Variants in VAPA observed in about 807,000 individuals in gnomAD.
VAPA encodes vesicle-associated membrane protein-associated protein A.
Under a neutral mutation model 25.6 loss-of-function variants are expected in VAPA, and 6 were observed. That is an observed-to-expected ratio of 0.23 (90% confidence interval 0.13 to 0.46). The LOEUF is 0.46. Among genes scored for constraint, VAPA ranks in the 20% least tolerant of loss-of-function variants. The probability of loss-of-function intolerance (pLI) is 0.99; values close to 1 mark genes in which losing one functional copy is unlikely to be tolerated. For synonymous variants in VAPA, 112 were observed against 106.2 expected (o/e 1.05, Z -0.34); for missense variants, 244 against 302.1 (o/e 0.81, Z 1.43).
Position 9,957,842 on chromosome 18 carries a change from ATTT to A in VAPA, c.*3635_*3637del, listed in dbSNP as rs1272472405. 6.6e-6 allele frequency: 1 copy of A among 152,198 alleles called. No homozygotes were observed. The highest frequency in any genetic ancestry group is 6.5e-5 in the Admixed American group (1 of 15,278). The allele number at this position is 152,198 out of a possible 1,614,324, so 9.4% of individuals were successfully genotyped here. On this transcript the variant is annotated 3_prime_UTR_variant, in exon 6 of 6. Coordinates refer to ENST00000400000, the MANE Select transcript of VAPA (RefSeq NM_194434.3). ...CTTGCTTAGTGAGATGGAGTTAACT[ATTT>A]TTTAGTAGGAAGTGAGAACAGCTGA...
At chr18:9,927,712 T>C (rs2069213114) in intron 1 of VAPA, among the ~76,000 whole-genome samples, 1 of 152,138 alleles carries the variant, frequency 6.6e-6, no homozygotes, top group Admixed American at 6.6e-5. Flanking sequence ...TTTTCTAATA[T>C]TTTTGACATG....
intron 4 of VAPA, among the ~76,000 whole-genome samples, chr18:9,944,044 G>T (rs2069395503): frequency 6.6e-6 from 1 of 151,502 alleles, no homozygotes; most frequent in Non-Finnish European, 1.5e-5. Flanking sequence ...TGTATTTTTA[G>T]TAGAGACAGG....
chr18:9,935,739 A>G (rs1271306042), intron 2 of VAPA, among the ~76,000 whole-genome samples: 1 of 152,256 alleles, frequency 6.6e-6, no homozygotes, highest in African/African-American at 2.4e-5. Context: ...CATTATAGTT[A>G]ACGTTGGCAA....
Position 9,959,993 on chromosome 18 carries a change from C to T in VAPA, c.*5782C>T, listed in dbSNP as rs201864154. 1.3e-5 allele frequency: 2 copies of T among 151,866 alleles called. No homozygotes were observed. Among genetic ancestry groups the T allele is most frequent in the African/African-American group, 4.8e-5 (2 of 41,404 alleles). The allele number at this position is 151,866 out of a possible 1,614,324, so 9.4% of individuals were successfully genotyped here. On this transcript the variant is annotated 3_prime_UTR_variant, in exon 6 of 6. Transcript: ENST00000400000. ...TATTTCACATGAAAACAAATACAAACGAGAATCAAAATAAAGTTTTGCAAA... is the reference window on the plus strand; with the variant it reads ...TATTTCACATGAAAACAAATACAAATGAGAATCAAAATAAAGTTTTGCAAA...
chr18:9,951,479 G>C (rs1166879571), intron 5 of VAPA: 1 of 152,232 alleles, frequency 6.6e-6, no homozygotes, highest in African/African-American at 2.4e-5. Flanking sequence ...TGGTGGCAAG[G>C]GCAGTGCTTC....
In VAPA at chr18:9,914,265, C is replaced by T. The variant is rs2069090047; in HGVS notation, c.9C>T (p.Ser3=). The change falls in exon 1 of 6, where the codon TCC becomes TCT. Residue 3 remains serine (S), a synonymous_variant. Transcript: ENST00000400000. MA[S]ASGAMAKHEQ... is the part of the protein sequence containing the mutation. ...TCTGCGCTGTCTCTCCGATGGCGTC[C>T]GCCTCAGGGGCCATGGCGAAGCACG... 1.3e-6 allele frequency: 2 copies of T among 1,582,756 alleles called. No individual in the cohort carries two copies. Among genetic ancestry groups the T allele is most frequent in the Admixed American group, 1.7e-5 (1 of 57,230 alleles).
At chr18:9,936,672 A>G (rs1327149532) in intron 3 of VAPA, 3 of 269,416 alleles carry the variant, frequency 1.1e-5, no homozygotes, top group African/African-American at 6.7e-5. Context: ...GCTTGAGCCC[A>G]GGAGGGGCGA....
chr18:9,946,736 C>T (rs2069428126), intron 4 of VAPA, among the ~76,000 whole-genome samples: 1 of 151,958 alleles, frequency 6.6e-6, no homozygotes, highest in Non-Finnish European at 1.5e-5. Flanking sequence ...ATGGGAAGGC[C>T]TAGGACATTA....
intron 1 of VAPA, among the ~76,000 whole-genome samples, chr18:9,928,758 ATGTT>A (rs2069224391): frequency 6.6e-6 from 1 of 152,146 alleles, no homozygotes; most frequent in Non-Finnish European, 1.5e-5. Flanking sequence ...TTAAGTGTAA[ATGTT>A]TGGGCGTGAC....
At chr18:9,916,364 C>A (rs1248018668) in intron 1 of VAPA, among the ~76,000 whole-genome samples, 18 of 151,992 alleles carry the variant, frequency 1.2e-4, no homozygotes, top group Non-Finnish European at 8.8e-5. Context: ...ATAACAGAGA[C>A]ACAACCGTGT....
In VAPA at chr18:9,956,649, C is replaced by T. The variant is rs2069554360; in HGVS notation, c.*2438C>T. On this transcript the variant is annotated 3_prime_UTR_variant, in exon 6 of 6. Transcript: ENST00000400000. Reference sequence around the variant, plus strand: ...GAAATGTGATCAGATTATTTTACTACCAACAGTTATAGTTTGAAAGTCCAA... The same window carrying T: ...GAAATGTGATCAGATTATTTTACTATCAACAGTTATAGTTTGAAAGTCCAA... 6.6e-6 allele frequency: 1 copy of T among 152,510 alleles called. No individual in the cohort carries two copies. The allele number at this position is 152,510 out of a possible 1,614,324, so 9.4% of individuals were successfully genotyped here. A position where few individuals can be genotyped will look rare whatever the true frequency, so the allele number is the denominator to read the frequency against.
chr18:9,929,081 A>G (rs933436683), intron 1 of VAPA, among the ~76,000 whole-genome samples: 1 of 152,186 alleles, frequency 6.6e-6, no homozygotes, highest in Non-Finnish European at 1.5e-5. Context: ...TGGCATTGCT[A>G]TTGTTAGAAT....
chr18:9,959,004 C>T lies in VAPA; in HGVS notation c.*4793C>T, dbSNP rs2069579508. 1 of 152,060 alleles carries T rather than the reference C, an allele frequency of 6.6e-6. No homozygotes were observed. The highest frequency in any genetic ancestry group is 1.5e-5 in the Non-Finnish European group (1 of 67,996). The allele number at this position is 152,060 out of a possible 1,614,324, so 9.4% of individuals were successfully genotyped here. On this transcript the variant is annotated 3_prime_UTR_variant, in exon 6 of 6. Coordinates refer to ENST00000400000, the MANE Select transcript of VAPA (RefSeq NM_194434.3). Reference sequence around the variant, plus strand: ...CAAGTATAATGTCGTTTTCAACATGCTTATTACTTAGTTTTACGTCAGCTC... The same window carrying T: ...CAAGTATAATGTCGTTTTCAACATGTTTATTACTTAGTTTTACGTCAGCTC...
chr18:9,917,744 G>C (rs1312632750), intron 1 of VAPA, among the ~76,000 whole-genome samples: 2 of 152,196 alleles, frequency 1.3e-5, no homozygotes, highest in African/African-American at 4.8e-5. Context: ...TAAGCTCTCT[G>C]AGGGATCGAG....
chr18:9,946,436 G>A (rs982912478), intron 4 of VAPA, among the ~76,000 whole-genome samples: 1 of 151,160 alleles, frequency 6.6e-6, no homozygotes, highest in Admixed American at 6.6e-5. Context: ...CCTCAAATTC[G>A]TAAACTTTCT....
Position 9,931,826 on chromosome 18 carries a change from A to G in VAPA, c.96A>G (p.Val32=). 6.2e-7 allele frequency: 1 copy of G among 1,613,364 alleles called. No individual in the cohort carries two copies. Among genetic ancestry groups the G allele is most frequent in the South Asian group, 1.1e-5 (1 of 90,906 alleles). The change falls in exon 2 of 6, where the codon GTA becomes GTG. Residue 32 remains valine, a synonymous_variant. Transcript: ENST00000400000. The part of the protein sequence containing the change: ...DLKFKGPFTD[V]VTTNLKLRNP... ...ACTTTACAGGCCCCTTCACAGATGT[A>G]GTCACTACAAATCTTAAATTGCGAA...
At chr18:9,916,157 T>A (rs376209704) in intron 1 of VAPA, among the ~76,000 whole-genome samples, 4 of 152,348 alleles carry the variant, frequency 2.6e-5, no homozygotes, top group African/African-American at 9.6e-5. Context: ...GAAGTTGTTA[T>A]GTTGCTATAG....
intron 1 of VAPA, among the ~76,000 whole-genome samples, chr18:9,918,409 C>T (rs1006611527): frequency 6.6e-5 from 10 of 152,138 alleles, no homozygotes; most frequent in Non-Finnish European, 4.4e-5. Context: ...CTTTTATTCT[C>T]TCCTTAGTCC....
At position 9,931,868 on chromosome 18, in the gene VAPA, A is replaced by G; in HGVS notation, c.138A>G (p.Lys46=). 1 of 1,613,940 alleles carries G rather than the reference A, an allele frequency of 6.2e-7. No individual in the cohort carries two copies. The highest frequency in any genetic ancestry group is 8.5e-7 in the Non-Finnish European group (1 of 1,179,856). The change falls in exon 2 of 6, where the codon AAA becomes AAG. Residue 46 remains lysine, a synonymous_variant. Transcript: ENST00000400000. The part of the protein sequence containing the change: ...NLKLRNPSDR[K]VCFKVKTTAP... ...AATTGCGAAATCCATCGGATAGAAAAGTGTGTTTCAAAGTGAAGACTACAG... is the reference window on the plus strand; with the variant it reads ...AATTGCGAAATCCATCGGATAGAAAGGTGTGTTTCAAAGTGAAGACTACAG...
Sources: allele counts gnomAD v4.1 joint callset (sites outside exome capture counted in the v4.1 genomes callset), GRCh38; gene constraint gnomAD v4.1.1; transcripts MANE v1.5; gene names NCBI Gene and HGNC (gene_info 2026-07-23, HGNC 2026-07-21).